RARB: variants seen among roughly 807,000 people sequenced by gnomAD.
RARB encodes retinoic acid receptor beta.
Under a neutral mutation model 51.9 loss-of-function variants are expected in RARB, and 17 were observed. That is an observed-to-expected ratio of 0.33 (90% CI 0.22 to 0.49). The LOEUF (loss-of-function observed/expected upper bound fraction) is 0.49, where lower values mean the gene tolerates loss of function less well. RARB is among the 20% of genes least tolerant of loss of function. The pLI is 0.99. For missense variants in RARB, 369 were observed against 550.8 expected (o/e 0.67, Z 3.30); for synonymous variants, 215 against 195.4 (o/e 1.10, Z -0.84).
At chr3:25,307,494 C>G (rs1420127214) in intron 5 of RARB, among the ~76,000 whole-genome samples, 2 of 152,276 alleles carry the variant, frequency 1.3e-5, no homozygotes, top group Admixed American at 6.5e-5. Context: ...CACACAAATT[C>G]CTCAATGGCA....
intron 3 of RARB, among the ~76,000 whole-genome samples, chr3:25,095,321 G>C (rs907838839): frequency 6.6e-6 from 1 of 152,194 alleles, no homozygotes; most frequent in Non-Finnish European, 1.5e-5. Flanking sequence ...GTTTACAGCA[G>C]TGGTTTTCAA....
intron 3 of RARB, among the ~76,000 whole-genome samples, chr3:25,542,948 C>T (rs1025925602): frequency 1.1e-4 from 16 of 152,174 alleles, no homozygotes. Flanking sequence ...ATCTGATTCC[C>T]AAGCCTGTGC....
At chr3:25,486,287 G>C (rs980425610) in intron 2 of RARB, among the ~76,000 whole-genome samples, 1 of 152,184 alleles carries the variant, frequency 6.6e-6, no homozygotes, top group Admixed American at 6.5e-5. Context: ...GTGCTAGAAG[G>C]CATGTAGAGA....
intron 1 of RARB, among the ~76,000 whole-genome samples, chr3:25,434,529 C>CTTTTTTTTTT (rs140015265): frequency 3.3e-5 from 4 of 123,034 alleles, no homozygotes; most frequent in African/African-American, 6.3e-5. Flanking sequence ...CTTGGTACTC[C>CTTTTTTTTTT]TTTTTTTTTT....
At chr3:25,211,069 C>T (rs1039959558) in intron 5 of RARB, among the ~76,000 whole-genome samples, 3 of 152,138 alleles carry the variant, frequency 2.0e-5, no homozygotes, top group African/African-American at 7.2e-5. Context: ...AAAGTTACAG[C>T]TCTCAGAGTC....
At chr3:25,165,042 A>C (rs1700537387) in intron 4 of RARB, among the ~76,000 whole-genome samples, 1 of 152,212 alleles carries the variant, frequency 6.6e-6, no homozygotes, top group East Asian at 1.9e-4. Flanking sequence ...GTACTGAGTT[A>C]GTATGGTCCT....
At chr3:25,344,619 G>C (rs528595121) in intron 5 of RARB, among the ~76,000 whole-genome samples, 1 of 152,162 alleles carries the variant, frequency 6.6e-6, no homozygotes, top group African/African-American at 2.4e-5. Context: ...AAAGTTCCAA[G>C]ATGGGACCCC....
chr3:24,839,628 A>G (rs1257723379), intron 1 of RARB, among the ~76,000 whole-genome samples: 1 of 141,072 alleles, frequency 7.1e-6, no homozygotes, highest in African/African-American at 2.6e-5. Context: ...GGATCTCTTG[A>G]CCTCAGGGGC....
At chr3:25,331,345 CA>C (rs1704889349) in intron 5 of RARB, among the ~76,000 whole-genome samples, 1 of 152,186 alleles carries the variant, frequency 6.6e-6, no homozygotes, top group Non-Finnish European at 1.5e-5. Context: ...ACAGTGCAAT[CA>C]AACTAGAACT....
intron 2 of RARB, among the ~76,000 whole-genome samples, chr3:24,883,739 G>C (rs533600326): frequency 1.3e-5 from 2 of 152,132 alleles, no homozygotes; most frequent in South Asian, 4.2e-4. Flanking sequence ...TTTTCAAATT[G>C]GGTGTCAGAT....
chr3:25,577,926 C>G (rs571419366), intron 4 of RARB, among the ~76,000 whole-genome samples: 1 of 152,230 alleles, frequency 6.6e-6, no homozygotes, highest in Non-Finnish European at 1.5e-5. Context: ...TAGCCCCTGC[C>G]GAAGAGGGGA....
chr3:25,519,562 A>G (rs1698314870), intron 3 of RARB, among the ~76,000 whole-genome samples: 1 of 152,200 alleles, frequency 6.6e-6, no homozygotes, highest in African/African-American at 2.4e-5. Context: ...TTATTAAGTT[A>G]GAAAGTATAA....
At chr3:25,211,182 A>G (rs1380947424) in intron 5 of RARB, among the ~76,000 whole-genome samples, 2 of 152,212 alleles carry the variant, frequency 1.3e-5, no homozygotes, top group Non-Finnish European at 2.9e-5. Flanking sequence ...AAGGACCAAG[A>G]TAGACATGTT....
intron 5 of RARB, among the ~76,000 whole-genome samples, chr3:25,397,261 A>G (rs1707141591): frequency 6.6e-6 from 1 of 151,960 alleles, no homozygotes; most frequent in African/African-American, 2.4e-5. Flanking sequence ...GGCTCTCTAA[A>G]TTTGTTTGAC....
At chr3:25,144,327 G>A (rs1397325533) in intron 4 of RARB, among the ~76,000 whole-genome samples, 2 of 152,062 alleles carry the variant, frequency 1.3e-5, no homozygotes, top group Non-Finnish European at 1.5e-5. Context: ...ACCTCATGGG[G>A]AAGAGAGGCT....
intron 5 of RARB, among the ~76,000 whole-genome samples, chr3:25,260,389 T>C (rs1702969443): frequency 6.6e-6 from 1 of 152,122 alleles, no homozygotes; most frequent in African/African-American, 2.4e-5. Flanking sequence ...CTACCATGCA[T>C]ACAAAAACCA....
At chr3:25,516,300 G>A (rs1235843328) in intron 3 of RARB, among the ~76,000 whole-genome samples, 2 of 152,236 alleles carry the variant, frequency 1.3e-5, no homozygotes, top group South Asian at 4.1e-4. Flanking sequence ...TGTAAGAATT[G>A]TTATTGCTAA....
intron 5 of RARB, among the ~76,000 whole-genome samples, chr3:25,391,439 G>T (rs1429132624): frequency 1.3e-5 from 2 of 152,090 alleles, no homozygotes; most frequent in African/African-American, 4.8e-5. Flanking sequence ...TCAAATAATA[G>T]ATCTACTTTT....
At chr3:25,470,942 A>G (rs7623906) in intron 2 of RARB, among the ~76,000 whole-genome samples, 1,902 of 152,336 alleles carry the variant, frequency 0.012, 58 homozygotes, top group African/African-American at 0.043. Flanking sequence ...GAGGCGGCAC[A>G]TAGTAGGACG....
Sources: gnomAD v4.1 joint callset for allele counts (sites outside exome capture counted in the v4.1 genomes callset) on GRCh38, gnomAD v4.1.1 for gene constraint, MANE v1.5 for transcripts, NCBI Gene and HGNC (gene_info 2026-07-23, HGNC 2026-07-21) for gene names.